UGT2B28: variants seen among roughly 807,000 people sequenced by gnomAD.
UGT2B28 encodes UDP glucuronosyltransferase family 2 member B28, also known as UDP-glucuronosyltransferase 2B28.
UGT2B28 carries 45 observed loss-of-function variants against 43.6 expected under a neutral mutation model. The observed-to-expected ratio is 1.03, with a 90% confidence interval of 0.81 to 1.32. UGT2B28 has a LOEUF of 1.32. Among genes scored for constraint, UGT2B28 ranks in the 40% most tolerant of loss-of-function variants. The pLI is 0.00. For missense variants in UGT2B28, 649 were observed against 625.5 expected (o/e 1.04, Z -0.40); for synonymous variants, 204 against 208.1 (o/e 0.98, Z 0.17).
chr4:69,292,856 T>C (rs1348124563), intron 5 of UGT2B28, among the ~76,000 whole-genome samples: 2 of 139,836 alleles, frequency 1.4e-5, no homozygotes, highest in Admixed American at 7.2e-5. Context: ...ATCCTTAATA[T>C]TGGAAATTAA....
intron 2 of UGT2B28, among the ~76,000 whole-genome samples, chr4:69,285,932 T>G (rs1161875745): frequency 7.1e-6 from 1 of 141,202 alleles, no homozygotes; most frequent in Non-Finnish European, 1.5e-5. Flanking sequence ...GTTCCTCACA[T>G]GCAGTTATAA....
chr4:69,289,870 T>G, intron 4 of UGT2B28, 118 bp downstream of exon 4: 1 of 1,136,110 alleles, frequency 8.8e-7, no homozygotes, highest in Admixed American at 3.0e-5. Context: ...AGAACTTCTT[T>G]GTATTTATTT....
chr4:69,290,658 A>G lies in UGT2B28; in HGVS notation c.1157A>G (p.His386Arg). The G allele has an allele frequency of 6.4e-7, 1 of 1,559,252 alleles. No homozygotes were observed. The highest frequency in any genetic ancestry group is 8.7e-7 in the Non-Finnish European group (1 of 1,155,138). The change falls in exon 5 of 6, where the codon CAT becomes CGT. Residue 386 changes from histidine to arginine, a missense_variant. Transcript: ENST00000335568. ...AATGGCATCTATGAGGCAATCTACC[A>G]TGGGATCCCTATGGTAGGCATTCCA... The part of the protein sequence containing the change: ...GANGIYEAIY[H>R]GIPMVGIPLF...
At chr4:69,291,193 A>T (rs1290357308) in intron 5 of UGT2B28, among the ~76,000 whole-genome samples, 1 of 140,648 alleles carries the variant, frequency 7.1e-6, no homozygotes, top group Non-Finnish European at 1.5e-5. Flanking sequence ...TTGCTGAAAA[A>T]TTAATTTTTA....
intron 2 of UGT2B28, among the ~76,000 whole-genome samples, chr4:69,283,012 A>G (rs1175972049): frequency 7.1e-6 from 1 of 140,552 alleles, no homozygotes; most frequent in East Asian, 2.0e-4. Context: ...AAAAAAATAG[A>G]CAGTTTCCGT....
Position 69,280,663 on chromosome 4 carries a change from G to A in UGT2B28, c.163G>A (p.Val55Ile). The A allele has an allele frequency of 6.4e-7, 1 of 1,561,524 alleles. No homozygotes were observed. Among genetic ancestry groups the A allele is most frequent in the Admixed American group, 1.8e-5 (1 of 56,662 alleles). ...TGTTCAGAGAGGTCATGAGGTGACT[G>A]TACTGGCATCTTCAGCTTCCATTCT... ...ELVQRGHEVT[V>I]LASSASILFD... Residue 55 changes from valine (V) to isoleucine (I), a missense_variant, in exon 1 of 6, where the codon GTA (valine) becomes ATA (isoleucine). By Grantham distance (29) the Val-to-Ile change is conservative. Transcript: ENST00000335568.
At position 69,294,581 on chromosome 4, in the gene UGT2B28, A is replaced by G. The variant is rs41292951; in HGVS notation, c.1362A>G (p.Val454=). Residue 454 remains valine, a synonymous_variant, in exon 6 of 6, where the codon GTA becomes GTG. Coordinates refer to ENST00000335568, the MANE Select transcript of UGT2B28 (RefSeq NM_053039.2). The part of the protein sequence containing the change: ...KLSIIQHDQP[V]KPLHRAVFWI... Reference sequence around the variant, plus strand: ...CAATAATTCAACATGATCAACCAGTAAAGCCCCTGCATCGAGCAGTCTTCT... The same window carrying G: ...CAATAATTCAACATGATCAACCAGTGAAGCCCCTGCATCGAGCAGTCTTCT... 12 of 1,554,826 alleles carry G rather than the reference A, an allele frequency of 7.7e-6. 2 individuals are homozygous for G. The highest frequency in any genetic ancestry group is 6.0e-5 in the South Asian group (5 of 83,502).
At chr4:69,288,867 T>C (rs1027020607) in intron 3 of UGT2B28, among the ~76,000 whole-genome samples, 1 of 140,614 alleles carries the variant, frequency 7.1e-6, no homozygotes, top group African/African-American at 2.8e-5. Context: ...TTCCTGTTAG[T>C]TTCCTAAGGC....
rs1319711171 is a variant in UGT2B28 at position 69,286,952 on chromosome 4, GA to G, written c.1002+72del. The G allele has an allele frequency of 2.6e-6, 4 of 1,527,454 alleles. 1 individual carries two copies. The highest frequency in any genetic ancestry group is 2.4e-5 in the South Asian group (2 of 82,024). 94.6% of individuals were successfully genotyped at this position (1,527,454 alleles called of 1,614,324 possible). On this transcript the variant is annotated intron_variant, in intron 3 of 5. Coordinates refer to ENST00000335568, the MANE Select transcript of UGT2B28 (RefSeq NM_053039.2). Reference sequence around the variant, plus strand: ...GCTGTTAAAGTTTGAGATCTACACAGAAAGAATATTAAGGCTAGACTGAACT... The same window carrying G: ...GCTGTTAAAGTTTGAGATCTACACAGAAGAATATTAAGGCTAGACTGAACT...
rs527642806 is a variant in UGT2B28, at chr4:69,293,272, A to G, written c.1311-1258A>G. Among the ~76,000 whole-genome samples the G allele has an allele frequency of 3.6e-5, 5 of 140,526 alleles. 2 individuals are homozygous for G. Among genetic ancestry groups the G allele is most frequent in the African/African-American group, 5.5e-5 (2 of 36,072 alleles). 92.2% of individuals were successfully genotyped at this position (140,526 alleles called of 152,430 possible). On this transcript the variant is annotated intron_variant, in intron 5 of 5. Coordinates refer to ENST00000335568, the MANE Select transcript of UGT2B28 (RefSeq NM_053039.2). ...CAAAAGTAGTCACTAAAAGGTTCAG[A>G]AAAAGGGAGTTATTCTAGGCAGATT...
rs920464128 is a variant in UGT2B28, at chr4:69,283,881, G to T, written c.870+1219G>T. Among the ~76,000 whole-genome samples the T allele has an allele frequency of 4.3e-5, 6 of 139,968 alleles. 2 individuals carry two copies. Among genetic ancestry groups the T allele is most frequent in the African/African-American group, 1.1e-4 (4 of 35,826 alleles). 91.8% of individuals were successfully genotyped at this position (139,968 alleles called of 152,430 possible). ...GACATATCAATTGTGACAGTAAAATGAGCCAGTTGAAATTCTAAAATTCTA... is the reference window on the plus strand; with the variant it reads ...GACATATCAATTGTGACAGTAAAATTAGCCAGTTGAAATTCTAAAATTCTA... On this transcript the variant is annotated intron_variant, in intron 2 of 5. Transcript: ENST00000335568.
At position 69,282,727 on chromosome 4, in the gene UGT2B28, C is replaced by T. The variant is rs574491705; in HGVS notation, c.870+65C>T. ...AGTTTCAGTAGAAATGAGTCTATAG[C>T]CTTCATTCAAAATGTTTGACTTACA... On this transcript the variant is annotated intron_variant, in intron 2 of 5. Coordinates refer to ENST00000335568, the MANE Select transcript of UGT2B28 (RefSeq NM_053039.2). 29 of 1,500,414 alleles carry T rather than the reference C, an allele frequency of 1.9e-5. 3 individuals carry two copies. The highest frequency in any genetic ancestry group is 2.3e-5 in the Admixed American group (1 of 43,540). 92.9% of individuals were successfully genotyped at this position (1,500,414 alleles called of 1,614,324 possible). A position where few individuals can be genotyped will look rare whatever the true frequency, so the allele number is the denominator to read the frequency against.
At chr4:69,285,705 T>A (rs1723754513) in intron 2 of UGT2B28, among the ~76,000 whole-genome samples, 1 of 141,718 alleles carries the variant, frequency 7.1e-6, no homozygotes, top group South Asian at 2.3e-4. Context: ...AATGATTAAA[T>A]CTGAAAATAC....
At chr4:69,289,525 G>T in intron 3 of UGT2B28, 140 bp from the exon 4 acceptor site, 1 of 741,176 alleles carries the variant, frequency 1.3e-6, no homozygotes, top group Non-Finnish European at 1.9e-6. Flanking sequence ...AATAAAATGT[G>T]AGTATTGTTT....
In UGT2B28 at chr4:69,286,124, A is replaced by G. The variant is rs1039921277; in HGVS notation, c.871-628A>G. 2.1e-5 allele frequency among the ~76,000 whole-genome samples: 3 copies of G among 141,660 alleles called. 1 individual carries two copies. The highest frequency in any genetic ancestry group is 4.5e-5 in the Non-Finnish European group (3 of 66,078). 92.9% of individuals were successfully genotyped at this position (141,660 alleles called of 152,430 possible). Reference sequence around the variant, plus strand: ...AATACTAGACTCAGGAATGTCAGTGATTCTTAACCACCAGCTTTTATTTTC... The same window carrying G: ...AATACTAGACTCAGGAATGTCAGTGGTTCTTAACCACCAGCTTTTATTTTC... On this transcript the variant is annotated intron_variant, in intron 2 of 5. Coordinates refer to ENST00000335568, the MANE Select transcript of UGT2B28 (RefSeq NM_053039.2).
Position 69,281,017 on chromosome 4 carries a change from T to A in UGT2B28, c.517T>A (p.Cys173Ser). The A allele has an allele frequency of 4.5e-6, 7 of 1,559,866 alleles. No homozygotes were observed. Among genetic ancestry groups the A allele is most frequent in the Non-Finnish European group, 6.1e-6 (7 of 1,155,400 alleles). Residue 173 changes from cysteine to serine, a missense_variant, in exon 1 of 6, where the codon TGC (cysteine) becomes AGC (serine). Coordinates refer to ENST00000335568, the MANE Select transcript of UGT2B28 (RefSeq NM_053039.2). ...TAACATACCGTTTGTGTACAGTCTC[T>A]GCTTCACTCCTGGCTACACAATTGA... ...LLNIPFVYSLCFTPGYTIERH... is the reference protein window; with the variant it reads ...LLNIPFVYSLSFTPGYTIERH...
chr4:69,281,685 G>T (rs1487546536), intron 1 of UGT2B28, among the ~76,000 whole-genome samples: 4 of 140,028 alleles, frequency 2.9e-5, no homozygotes, highest in Non-Finnish European at 6.1e-5. Context: ...TTTCCAGAAG[G>T]TTTCCTTCAC....
rs763200391 is a variant in UGT2B28, at chr4:69,280,662, T to C, written c.162T>C (p.Thr54=). 2 of 1,561,614 alleles carry C rather than the reference T, an allele frequency of 1.3e-6. No homozygotes were observed. Among genetic ancestry groups the C allele is most frequent in the Non-Finnish European group, 1.7e-6 (2 of 1,156,232 alleles). ...TTGTTCAGAGAGGTCATGAGGTGAC[T>C]GTACTGGCATCTTCAGCTTCCATTC... ...KELVQRGHEV[T]VLASSASILF... is the part of the protein sequence containing the mutation. The change falls in exon 1 of 6, where the codon ACT becomes ACC. Residue 54 remains threonine (T), a synonymous_variant. Coordinates refer to ENST00000335568, the MANE Select transcript of UGT2B28 (RefSeq NM_053039.2).
At chr4:69,291,079 A>G (rs1209654124) in intron 5 of UGT2B28, among the ~76,000 whole-genome samples, 1 of 140,748 alleles carries the variant, frequency 7.1e-6, no homozygotes, top group Non-Finnish European at 1.5e-5. Flanking sequence ...ACATTTCTTA[A>G]AATTTTAACA....
Sources: allele counts gnomAD v4.1 joint callset (sites outside exome capture counted in the v4.1 genomes callset), GRCh38; gene constraint gnomAD v4.1.1; transcripts MANE v1.5; gene names NCBI Gene and HGNC (gene_info 2026-07-23, HGNC 2026-07-21).